Variants in SLC2A8 observed in about 807,000 individuals in gnomAD.
The protein encoded by SLC2A8 is solute carrier family 2 member 8.
Under a neutral mutation model 49.2 loss-of-function variants are expected in SLC2A8, and 53 were observed. The observed-to-expected ratio is 1.08, with a 90% CI of 0.86 to 1.35. The LOEUF (loss-of-function observed/expected upper bound fraction) is 1.35. Ranked by LOEUF, SLC2A8 falls within the 40% of genes most tolerant of loss-of-function variation. The pLI is 0.00. For synonymous variants in SLC2A8, 299 were observed against 297.0 expected (o/e 1.01, Z -0.07); for missense variants, 688 against 671.7 (o/e 1.02, Z -0.27).
intron 8 of SLC2A8, 110 bp from the exon 9 acceptor site, chr9:127,405,310 G>A (rs1833451661): frequency 6.9e-6 from 9 of 1,305,624 alleles, no homozygotes; most frequent in Middle Eastern, 2.7e-4. Flanking sequence ...CTGGGATCCG[G>A]GACCCCACAG....
chr9:127,406,659 A>AGGGGAC (rs1253578898), intron 9 of SLC2A8, among the ~76,000 whole-genome samples: 1 of 152,110 alleles, frequency 6.6e-6, no homozygotes, highest in African/African-American at 2.4e-5. Context: ...TTCTGACTGA[A>AGGGGAC]GGCCCCATGT....
chr9:127,406,096 C>T, intron 9 of SLC2A8: 2 of 517,504 alleles, frequency 3.9e-6, no homozygotes, highest in South Asian at 2.8e-5. Flanking sequence ...TCCCAGCCAA[C>T]AGAGAGACAG....
chr9:127,397,834 C>G, intron 2 of SLC2A8, 71 bp from the exon 3 acceptor site: 1 of 1,377,204 alleles, frequency 7.3e-7, no homozygotes, highest in East Asian at 2.7e-5. Context: ...TCTGAGCCCG[C>G]GGGGAGTGGG....
At chr9:127,397,638 G>A in intron 2 of SLC2A8, 100 bp downstream of exon 2, 1 of 1,340,762 alleles carries the variant, frequency 7.5e-7, no homozygotes, top group Non-Finnish European at 9.6e-7. Flanking sequence ...CTCGGGACAG[G>A]CATCGGGCCC....
intron 8 of SLC2A8, 83 bp from the exon 9 acceptor site, chr9:127,405,337 G>T: frequency 6.7e-7 from 1 of 1,500,418 alleles, no homozygotes. Context: ...AGGCTGGGAA[G>T]CTGGGTCTCT....
intron 3 of SLC2A8, 87 bp downstream of exon 3, chr9:127,398,198 G>A: frequency 1.4e-6 from 2 of 1,390,226 alleles, no homozygotes; most frequent in Middle Eastern, 1.8e-4. Context: ...CTGGGGGCGC[G>A]GCTCCCCCTG....
intron 4 of SLC2A8, among the ~76,000 whole-genome samples, chr9:127,401,444 TC>T (rs1404296080): frequency 6.6e-6 from 1 of 152,234 alleles, no homozygotes; most frequent in Non-Finnish European, 1.5e-5. Context: ...CTTTGGTGTT[TC>T]ATTTTTACCC....
chr9:127,403,460 T>C, intron 5 of SLC2A8, 200 bp from the exon 6 acceptor site: 1 of 620,178 alleles, frequency 1.6e-6, no homozygotes, highest in South Asian at 1.9e-5. Context: ...GGAAGTGCCC[T>C]GGGCAGGTGA....
chr9:127,397,830 C>T, intron 2 of SLC2A8, 75 bp from the exon 3 acceptor site: 1 of 1,370,934 alleles, frequency 7.3e-7, no homozygotes. Flanking sequence ...TACCTCTGAG[C>T]CCGCGGGGAG....
At chr9:127,401,386 G>C (rs1833284285) in intron 4 of SLC2A8, among the ~76,000 whole-genome samples, 4 of 152,226 alleles carry the variant, frequency 2.6e-5, no homozygotes, top group Admixed American at 2.6e-4. Context: ...CTATGGCCTG[G>C]CCCAGGGCAC....
intron 5 of SLC2A8, among the ~76,000 whole-genome samples, 169 bp downstream of exon 5, chr9:127,402,922 A>G (rs1391572196): frequency 3.3e-5 from 5 of 152,170 alleles, no homozygotes; most frequent in African/African-American, 7.2e-5. Flanking sequence ...GAGCAGGCCA[A>G]GACAGCTGGA....
At chr9:127,398,949 G>C (rs1168351638) in intron 3 of SLC2A8, among the ~76,000 whole-genome samples, 1 of 152,252 alleles carries the variant, frequency 6.6e-6, no homozygotes, top group Non-Finnish European at 1.5e-5. Context: ...ACCAACGTTT[G>C]CTAACCGGCA....
In SLC2A8 at chr9:127,407,196, GAAACT is replaced by G. The variant is rs780286876; in HGVS notation, c.1385_1389del (p.Thr462ArgfsTer12). On this transcript the variant is annotated frameshift_variant, in exon 10 of 10. Coordinates refer to ENST00000373371, the MANE Select transcript of SLC2A8 (RefSeq NM_014580.5). LOFTEE classifies it high-confidence loss of function. ...CCTTTTCACTTTGTTCTGTGTCCCTGAAACTAAAGGAAAGACTCTGGAACAAATCA... is the reference window on the plus strand; with the variant it reads ...CCTTTTCACTTTGTTCTGTGTCCCTGAAAGGAAAGACTCTGGAACAAATCA... 3 of 1,613,580 alleles carry G rather than the reference GAAACT, an allele frequency of 1.9e-6. No homozygotes were observed. The highest frequency in any genetic ancestry group is 1.7e-5 in the Admixed American group (1 of 60,026).
At position 127,399,951 on chromosome 9, in the gene SLC2A8, C is replaced by G. The variant is rs36057295; in HGVS notation, c.471C>G (p.Leu157=). The G allele has an allele frequency of 3.8e-3, 6,132 of 1,613,802 alleles. 209 individuals carry two copies. In the African/African-American group the frequency reaches 0.071, roughly 19 times the overall value. The change falls in exon 4 of 10, where the codon CTC becomes CTG. Residue 157 remains leucine (L), a synonymous_variant. Coordinates refer to ENST00000373371, the MANE Select transcript of SLC2A8 (RefSeq NM_014580.5). The surrounding 1 kb of genome is among the most constrained non-coding windows in gnomAD (Gnocchi z 4.2). The part of the protein sequence containing the change: ...EIAYPAVRGL[L]GSCVQLMVVV... The stretch of plus-strand genomic sequence containing the variant: ...CCTACCCAGCAGTCCGGGGGTTGCT[C>G]GGCTCCTGTGTGCAGCTAATGGTCG...
chr9:127,404,592 A>G, intron 7 of SLC2A8: 1 of 539,470 alleles, frequency 1.9e-6, no homozygotes, highest in Non-Finnish European at 3.3e-6. Context: ...GGTACCTCCC[A>G]TTTCCTCGGC....
At chr9:127,406,166 A>C (rs1000823450) in intron 9 of SLC2A8, 21 of 479,582 alleles carry the variant, frequency 4.4e-5, no homozygotes, top group Non-Finnish European at 5.4e-5. Context: ...GTCTCCTGGC[A>C]TGTGCCATGT....
chr9:127,402,939 C>T (rs540242430), intron 5 of SLC2A8, among the ~76,000 whole-genome samples, 186 bp downstream of exon 5: 84 of 152,310 alleles, frequency 5.5e-4, no homozygotes, highest in African/African-American at 1.9e-3. Context: ...TGGAGCCCCA[C>T]GGAGCTGGGC....
rs536387992 is a variant in SLC2A8 at position 127,397,764 on chromosome 9, G to T, written c.220-141G>T. ...CACCCCTCCCCTCGGGACGAGCACC[G>T]GGCCCCTCAGCCCCCTACCCCTCCC... On this transcript the variant is annotated intron_variant, in intron 2 of 9. Transcript: ENST00000373371. 1.8e-4 allele frequency: 197 copies of T among 1,072,566 alleles called. 1 individual carries two copies. In the African/African-American group the frequency reaches 2.8e-3, roughly 15 times the overall value. 66.4% of individuals were successfully genotyped at this position (1,072,566 alleles called of 1,614,324 possible).
intron 3 of SLC2A8, 24 bp downstream of exon 3, chr9:127,398,135 T>C (rs756852029): frequency 1.9e-6 from 3 of 1,562,656 alleles, no homozygotes; most frequent in Non-Finnish European, 2.6e-6. Context: ...CTCTCGAGTG[T>C]CCTGTCTCGC....
Sources: gnomAD v4.1 joint callset for allele counts (sites outside exome capture counted in the v4.1 genomes callset) on GRCh38, gnomAD v4.1.1 for gene constraint, Gnocchi (gnomAD v3.1) non-coding constraint, MANE v1.5 for transcripts, NCBI Gene and HGNC (gene_info 2026-07-23, HGNC 2026-07-21) for gene names.